MED13L: variants seen among roughly 807,000 people sequenced by gnomAD.
MED13L encodes mediator complex subunit 13L, also known as mediator of RNA polymerase II transcription subunit 13-like.
In MED13L, 7 loss-of-function variants were observed where a neutral mutation model predicts 220.9. The observed-to-expected ratio is 0.03, with a 90% CI of 0.02 to 0.06. The LOEUF is 0.06. MED13L is among the 10% of genes least tolerant of loss of function. The pLI is 1.00. For missense variants in MED13L, 1,965 were observed against 2,760.5 expected, an observed-to-expected ratio of 0.71 and a Z score of 6.46; for synonymous variants, 1,011 against 1,015.2, an observed-to-expected ratio of 1.00 and a Z score of 0.08.
intron 2 of MED13L, among the ~76,000 whole-genome samples, chr12:116,215,229 G>A (rs1331933758): frequency 1.3e-5 from 2 of 152,158 alleles, no homozygotes; most frequent in Non-Finnish European, 1.5e-5. Flanking sequence ...ATGACAATCA[G>A]TACTTCCTCT....
At chr12:116,158,825 CAATT>C (rs990521093) in intron 2 of MED13L, among the ~76,000 whole-genome samples, 71 of 152,226 alleles carry the variant, frequency 4.7e-4, no homozygotes, top group African/African-American at 1.6e-3. Context: ...AAGATAGGTA[CAATT>C]AATATCCCCC....
chr12:116,031,750 GAAAAGA>G lies in MED13L; in HGVS notation c.480-9155_480-9150del, dbSNP rs1285237576. On this transcript the variant is annotated intron_variant, in intron 4 of 30. Transcript: ENST00000281928. ...GAAAAGAAAAGAAAAGAAAAGAAAA[GAAAAGA>G]AAAGAAGGAAGGAAGGAAGGAAGGA... 5.3e-3 allele frequency among the ~76,000 whole-genome samples: 186 copies of G among 34,966 alleles called. 10 individuals are homozygous for G. The highest frequency in any genetic ancestry group is 0.013 in the African/African-American group (83 of 6,362). The allele number at this position is 34,966 out of a possible 152,430, so 22.9% of individuals were successfully genotyped here. A position where few individuals can be genotyped will look rare whatever the true frequency, so the allele number is the denominator to read the frequency against.
chr12:116,206,449 A>G (rs1435602455), intron 2 of MED13L, among the ~76,000 whole-genome samples: 3 of 152,212 alleles, frequency 2.0e-5, no homozygotes, highest in Non-Finnish European at 2.9e-5. Flanking sequence ...TACTTCTTCA[A>G]ATGTGAGCCA....
chr12:116,206,443 T>C lies in MED13L; in HGVS notation c.310+31025A>G, dbSNP rs567373351. Among the ~76,000 whole-genome samples the C allele has an allele frequency of 2.0e-5, 3 of 152,336 alleles. No homozygotes were observed. In the East Asian group the frequency reaches 5.8e-4, roughly 29 times the overall value. The stretch of plus-strand genomic sequence containing the variant: ...TTCCTTCCAGTGAAGGAATGATACT[T>C]CTTCAAATGTGAGCCAGAAGTAAAG... On this transcript the variant is annotated intron_variant, in intron 2 of 30. Coordinates refer to ENST00000281928, the MANE Select transcript of MED13L (RefSeq NM_015335.5).
At chr12:116,018,300 CTTT>C (rs1423292296) in intron 7 of MED13L, among the ~76,000 whole-genome samples, 1 of 152,178 alleles carries the variant, frequency 6.6e-6, no homozygotes, top group Non-Finnish European at 1.5e-5. Context: ...CCAATATCTT[CTTT>C]AACTATAAAC....
chr12:116,030,516 G>A (rs752855666), intron 4 of MED13L, among the ~76,000 whole-genome samples: 2 of 151,802 alleles, frequency 1.3e-5, no homozygotes, highest in African/African-American at 2.4e-5. Flanking sequence ...ACAATAAAAC[G>A]GAAGGAAGAA....
intron 2 of MED13L, among the ~76,000 whole-genome samples, chr12:116,236,080 A>G (rs953578557): frequency 6.6e-6 from 1 of 152,194 alleles, no homozygotes; most frequent in Non-Finnish European, 1.5e-5. Flanking sequence ...GTGACATCTT[A>G]TTTTTAAAAT....
chr12:116,103,533 T>TG (rs111527325), intron 3 of MED13L, among the ~76,000 whole-genome samples: 10,735 of 152,280 alleles, frequency 0.07, 493 homozygotes, highest in Middle Eastern at 0.11. Context: ...GCAATCCTCC[T>TG]GACTCAGCCT....
chr12:116,015,166 T>G lies in MED13L; in HGVS notation c.1118A>C (p.His373Pro). The G allele has an allele frequency of 6.2e-7, 1 of 1,613,916 alleles. No homozygotes were observed. ...KRSGKIPPKL[H>P]NHMVHRVWKE... ...CCAGACTCGATGGACCATATGATTGTGGAGTTTTGGAGGAATCTTCCCCGA... is the reference window on the plus strand; with the variant it reads ...CCAGACTCGATGGACCATATGATTGGGGAGTTTTGGAGGAATCTTCCCCGA... Residue 373 changes from histidine to proline, a missense_variant, in exon 8 of 31, where the codon CAC (histidine) becomes CCC (proline). Around this residue, in one of 10 missense-constraint regions of MED13L, gnomAD observed 818 missense variants for 1,041.2 expected, o/e 0.79. Transcript: ENST00000281928.
intron 1 of MED13L, among the ~76,000 whole-genome samples, chr12:116,260,916 G>C (rs1490173841): frequency 6.6e-6 from 1 of 152,184 alleles, no homozygotes; most frequent in South Asian, 2.1e-4. Context: ...ATTAAAAGTA[G>C]ATGCTCTAGG....
At chr12:116,122,806 C>T (rs148086196) in intron 2 of MED13L, among the ~76,000 whole-genome samples, 1 of 152,198 alleles carries the variant, frequency 6.6e-6, no homozygotes, top group East Asian at 1.9e-4. Context: ...AGTTGAGACA[C>T]GACCCAAGTT....
At position 116,007,059 on chromosome 12, in the gene MED13L, A is replaced by C. The variant is rs570880821; in HGVS notation, c.2238+352T>G. The C allele has an allele frequency of 1.3e-3, 430 of 337,024 alleles. 10 individuals carry two copies. Among genetic ancestry groups the C allele is most frequent in the South Asian group, 0.012 (417 of 34,366 alleles). 20.9% of individuals were successfully genotyped at this position (337,024 alleles called of 1,614,324 possible). On this transcript the variant is annotated intron_variant, in intron 11 of 30. Transcript: ENST00000281928. ...CGATAAATTGTGTATACCTACTGTTACAAACATTTTTTCCTTTACATTTTG... is the reference window on the plus strand; with the variant it reads ...CGATAAATTGTGTATACCTACTGTTCCAAACATTTTTTCCTTTACATTTTG...
At chr12:116,019,175 C>A (rs201569531) in intron 7 of MED13L, 49 bp downstream of exon 7, 3 of 1,570,816 alleles carry the variant, frequency 1.9e-6, no homozygotes, top group Non-Finnish European at 2.6e-6. Context: ...GTAGACTATA[C>A]AATTGTCTGA....
At chr12:116,177,713 A>C (rs941830909) in intron 2 of MED13L, among the ~76,000 whole-genome samples, 1 of 152,226 alleles carries the variant, frequency 6.6e-6, no homozygotes, top group African/African-American at 2.4e-5. Context: ...ACATACAAAA[A>C]GGTAAATCTG....
At chr12:116,112,135 C>T (rs1294803343) in intron 2 of MED13L, among the ~76,000 whole-genome samples, 1 of 152,140 alleles carries the variant, frequency 6.6e-6, no homozygotes, top group Admixed American at 6.5e-5. Context: ...CATTGAGCCA[C>T]AAGTAACTCC....
rs144297827 is a variant in MED13L at position 116,193,760 on chromosome 12, G to C, written c.310+43708C>G. On this transcript the variant is annotated intron_variant, in intron 2 of 30. Coordinates refer to ENST00000281928, the MANE Select transcript of MED13L (RefSeq NM_015335.5). Reference sequence around the variant, plus strand: ...TGAAAACCACATATCTGCTTCTCTAGAGAAAGGAAATCATCATGGGAATAG... The same window carrying C: ...TGAAAACCACATATCTGCTTCTCTACAGAAAGGAAATCATCATGGGAATAG... 2.2e-3 allele frequency among the ~76,000 whole-genome samples: 332 copies of C among 152,256 alleles called. 1 individual carries two copies. The highest frequency in any genetic ancestry group is 4.2e-3 in the Non-Finnish European group (284 of 68,020).
intron 4 of MED13L, among the ~76,000 whole-genome samples, chr12:116,057,078 G>A (rs771394848): frequency 2.4e-4 from 37 of 152,266 alleles, no homozygotes; most frequent in Admixed American, 5.9e-4. Context: ...GTATCACTGC[G>A]TCAGACAAGG....
At chr12:116,045,881 AAT>A (rs202104249) in intron 4 of MED13L, among the ~76,000 whole-genome samples, 1 of 151,684 alleles carries the variant, frequency 6.6e-6, no homozygotes, top group African/African-American at 2.4e-5. Context: ...TAGGTAGATA[AAT>A]ATATATATAT....
intron 2 of MED13L, chr12:116,148,798 C>T (rs915838758): frequency 6.4e-6 from 1 of 155,842 alleles, no homozygotes; most frequent in African/African-American, 2.4e-5. Flanking sequence ...ATTCGTCTAA[C>T]CAATCAATAA....
Sources: allele counts gnomAD v4.1 joint callset (sites outside exome capture counted in the v4.1 genomes callset), GRCh38; gene constraint gnomAD v4.1.1; regional missense constraint gnomAD v4.1.1; transcripts MANE v1.5; gene names NCBI Gene and HGNC (gene_info 2026-07-23, HGNC 2026-07-21).